CDH8: variants seen among roughly 807,000 people sequenced by gnomAD.
CDH8 encodes the protein cadherin-8.
In CDH8, 17 loss-of-function variants were observed where a neutral mutation model predicts 68.1. The ratio of observed to expected loss-of-function variants is 0.25; its 90% CI spans 0.17 to 0.37. The LOEUF (loss-of-function observed/expected upper bound fraction) is 0.37, where lower values mean the gene tolerates loss of function less well. Ranked by LOEUF, CDH8 falls within the 10% of genes least tolerant of loss-of-function variation. The pLI, the probability that CDH8 is intolerant of heterozygous loss-of-function variation, is 1.00. For missense variants in CDH8, 763 were observed against 999.3 expected, an observed-to-expected ratio of 0.76 and a Z score of 3.19; for synonymous variants, 372 against 365.1, an observed-to-expected ratio of 1.02 and a Z score of -0.21.
At chr16:61,861,477 G>A (rs904239891) in intron 3 of CDH8, among the ~76,000 whole-genome samples, 2 of 152,180 alleles carry the variant, frequency 1.3e-5, no homozygotes, top group Non-Finnish European at 2.9e-5. Context: ...TATTATGAGA[G>A]GCAGCCCATC....
intron 8 of CDH8, among the ~76,000 whole-genome samples, chr16:61,761,024 A>G (rs904695269): frequency 2.0e-5 from 3 of 152,196 alleles, no homozygotes; most frequent in Non-Finnish European, 2.9e-5. Context: ...TCAAAGTCAC[A>G]TGACACACAA....
chr16:61,722,808 A>G (rs1440907086), intron 9 of CDH8, among the ~76,000 whole-genome samples: 1 of 150,720 alleles, frequency 6.6e-6, no homozygotes, highest in Non-Finnish European at 1.5e-5. Flanking sequence ...CATAATAAAC[A>G]AACTTTATAT....
intron 10 of CDH8, among the ~76,000 whole-genome samples, chr16:61,657,576 A>G (rs1456113105): frequency 6.6e-6 from 1 of 152,104 alleles, no homozygotes; most frequent in Non-Finnish European, 1.5e-5. Flanking sequence ...ACATTATCTC[A>G]AAACAGATAT....
chr16:61,730,559 A>G (rs1010560396), intron 8 of CDH8, among the ~76,000 whole-genome samples: 9 of 151,500 alleles, frequency 5.9e-5, no homozygotes, highest in African/African-American at 2.2e-4. Context: ...CTAAATTTGG[A>G]ACCCACTTTT....
intron 3 of CDH8, among the ~76,000 whole-genome samples, chr16:61,886,894 G>T (rs933621953): frequency 6.6e-6 from 1 of 152,136 alleles, no homozygotes. Flanking sequence ...ACCTATATAA[G>T]CTAACTGCTG....
intron 7 of CDH8, among the ~76,000 whole-genome samples, chr16:61,799,144 C>A (rs1255978104): frequency 6.6e-6 from 1 of 152,114 alleles, no homozygotes; most frequent in Non-Finnish European, 1.5e-5. Context: ...CCACATTGAC[C>A]CAGCAATGCC....
At chr16:61,757,155 G>T (rs1269849971) in intron 8 of CDH8, among the ~76,000 whole-genome samples, 1 of 152,090 alleles carries the variant, frequency 6.6e-6, no homozygotes, top group Non-Finnish European at 1.5e-5. Context: ...AAGTAAAAAA[G>T]TTTTAGTGGA....
chr16:61,974,092 G>T (rs1939265698), intron 2 of CDH8, among the ~76,000 whole-genome samples: 1 of 152,134 alleles, frequency 6.6e-6, no homozygotes, highest in Non-Finnish European at 1.5e-5. Flanking sequence ...CTTGACCAAT[G>T]CATCTAGAAA....
intron 4 of CDH8, among the ~76,000 whole-genome samples, chr16:61,833,323 G>A (rs984282172): frequency 1.3e-5 from 2 of 151,068 alleles, no homozygotes; most frequent in African/African-American, 2.4e-5. Flanking sequence ...AAATATATAC[G>A]TTCATATATG....
intron 2 of CDH8, among the ~76,000 whole-genome samples, chr16:62,004,599 T>C (rs1456027063): frequency 5.3e-5 from 8 of 152,222 alleles, no homozygotes; most frequent in Admixed American, 2.0e-4. Flanking sequence ...TGTATCCTAA[T>C]CATCGTTTTC....
intron 3 of CDH8, among the ~76,000 whole-genome samples, chr16:61,893,115 G>C (rs1006702550): frequency 6.6e-6 from 1 of 152,080 alleles, no homozygotes; most frequent in Non-Finnish European, 1.5e-5. Flanking sequence ...GATCCTTCTA[G>C]GCCCCTTCCA....
rs968371309 is a variant in CDH8, at chr16:61,950,231, A to G, written c.253-48758T>C. ...AGAAGGCAAGCCTTTTTGATCTCAA[A>G]TGAATTTTTTTTTCTTCCTCTCTGA... is the stretch of plus-strand genomic sequence containing the variant. On this transcript the variant is annotated intron_variant, in intron 2 of 11. Transcript: ENST00000577390. 5.3e-5 allele frequency among the ~76,000 whole-genome samples: 8 copies of G among 152,168 alleles called. No individual in the cohort carries two copies. The East Asian group carries it at 5.8e-4, about 11-fold the overall frequency.
At chr16:61,993,425 T>G (rs925568159) in intron 2 of CDH8, among the ~76,000 whole-genome samples, 3 of 152,182 alleles carry the variant, frequency 2.0e-5, no homozygotes, top group Non-Finnish European at 4.4e-5. Context: ...GTTCAAGTGA[T>G]TCTCCTGCTT....
chr16:61,969,587 A>G (rs1965306319), intron 2 of CDH8, among the ~76,000 whole-genome samples: 1 of 152,216 alleles, frequency 6.6e-6, no homozygotes, highest in Non-Finnish European at 1.5e-5. Flanking sequence ...GATATTAGAT[A>G]TTATATTATT....
intron 8 of CDH8, among the ~76,000 whole-genome samples, chr16:61,742,382 T>C (rs1959899074): frequency 6.6e-6 from 1 of 152,128 alleles, no homozygotes; most frequent in African/African-American, 2.4e-5. Flanking sequence ...TTCAGTATAA[T>C]TGAATAAAAC....
intron 2 of CDH8, among the ~76,000 whole-genome samples, chr16:61,963,932 C>T (rs1419851120): frequency 6.6e-6 from 1 of 152,188 alleles, no homozygotes; most frequent in Non-Finnish European, 1.5e-5. Context: ...ATTAGGCTCT[C>T]GGGCATTTCT....
chr16:61,771,968 C>T (rs1433531035), intron 8 of CDH8, among the ~76,000 whole-genome samples: 1 of 151,942 alleles, frequency 6.6e-6, no homozygotes, highest in Non-Finnish European at 1.5e-5. Context: ...TAAATTATGG[C>T]AACAGGTGTG....
intron 2 of CDH8, among the ~76,000 whole-genome samples, chr16:61,907,369 C>G (rs908285712): frequency 3.9e-5 from 6 of 152,084 alleles, no homozygotes; most frequent in African/African-American, 1.4e-4. Context: ...AGAAGGACAT[C>G]ATGGGAAAGT....
chr16:62,003,286 G>A (rs1011099892), intron 2 of CDH8, among the ~76,000 whole-genome samples: 2 of 152,016 alleles, frequency 1.3e-5, no homozygotes, highest in Non-Finnish European at 2.9e-5. Flanking sequence ...CTAATCATAG[G>A]ATTTATTTTA....
Sources: allele counts gnomAD v4.1 joint callset (sites outside exome capture counted in the v4.1 genomes callset), GRCh38; gene constraint gnomAD v4.1.1; transcripts MANE v1.5; gene names NCBI Gene and HGNC (gene_info 2026-07-23, HGNC 2026-07-21).